The following SPEF2 variants were observed in gnomAD, a reference collection of about 807,000 sequenced individuals.
The protein encoded by SPEF2 is sperm flagellar and cilia associated 2, also known as sperm flagella and cilia-associated protein 2.
In SPEF2, 187 loss-of-function variants were observed where a neutral mutation model predicts 224.6. The ratio of observed to expected loss-of-function variants is 0.83; its 90% CI spans 0.74 to 0.94. SPEF2 has a LOEUF of 0.94. Ranked by LOEUF, SPEF2 falls within the 40% of genes least tolerant of loss-of-function variation. The pLI, the probability that SPEF2 is intolerant of heterozygous loss-of-function variation, is 0.00. For missense variants in SPEF2, 2,170 were observed against 2,135.6 expected, an observed-to-expected ratio of 1.02 and a Z score of -0.32; for synonymous variants, 715 against 707.3, an observed-to-expected ratio of 1.01 and a Z score of -0.17.
At chr5:35,745,973 C>T (rs1748466004) in intron 23 of SPEF2, among the ~76,000 whole-genome samples, 1 of 152,200 alleles carries the variant, frequency 6.6e-6, no homozygotes, top group South Asian at 2.1e-4. Context: ...GGCTGGGAGA[C>T]CCATAGACAA....
chr5:35,737,355 C>A, intron 21 of SPEF2, among the ~76,000 whole-genome samples: 1 of 142,320 alleles, frequency 7.0e-6, no homozygotes. Flanking sequence ...TAATGCTATC[C>A]CTCCTCCCTC....
At chr5:35,736,032 G>C (rs1345673051) in intron 21 of SPEF2, among the ~76,000 whole-genome samples, 4 of 152,132 alleles carry the variant, frequency 2.6e-5, no homozygotes, top group Non-Finnish European at 4.4e-5. Context: ...ACTTCAAAAG[G>C]CTTGTGGAAA....
chr5:35,727,148 A>G (rs1283205553), intron 20 of SPEF2, among the ~76,000 whole-genome samples: 2 of 152,124 alleles, frequency 1.3e-5, no homozygotes, highest in African/African-American at 2.4e-5. Flanking sequence ...ACGCTGTGTC[A>G]TGTGCAGAGA....
At chr5:35,738,025 T>C (rs1347898088) in intron 21 of SPEF2, among the ~76,000 whole-genome samples, 1 of 152,222 alleles carries the variant, frequency 6.6e-6, no homozygotes, top group East Asian at 1.9e-4. Context: ...TTAAGAAGTG[T>C]CTGTTCATAT....
chr5:35,670,532 TTGTA>T, intron 10 of SPEF2: 11 of 1,024,224 alleles, frequency 1.1e-5, no homozygotes, highest in Non-Finnish European at 1.3e-5. Flanking sequence ...GCATTTTTCT[TTGTA>T]TGGGCTGTGT....
intron 10 of SPEF2, among the ~76,000 whole-genome samples, chr5:35,689,228 C>G (rs1335684650): frequency 1.3e-5 from 2 of 152,052 alleles, no homozygotes; most frequent in South Asian, 2.1e-4. Flanking sequence ...TTCATTTGCA[C>G]TATCTTAGAA....
At chr5:35,629,926 C>T (rs542539626) in intron 2 of SPEF2, among the ~76,000 whole-genome samples, 1 of 152,288 alleles carries the variant, frequency 6.6e-6, no homozygotes, top group East Asian at 1.9e-4. Context: ...ATATACCATA[C>T]CACATTTTGT....
At chr5:35,673,721 G>A (rs1241099634) in intron 10 of SPEF2, among the ~76,000 whole-genome samples, 2 of 152,270 alleles carry the variant, frequency 1.3e-5, no homozygotes, top group Middle Eastern at 3.4e-3. Context: ...AGGTGAGTTT[G>A]TTGTGGTTAT....
At chr5:35,779,000 G>A in intron 29 of SPEF2, 117 bp from the exon 30 acceptor site, 1 of 596,358 alleles carries the variant, frequency 1.7e-6, no homozygotes, top group Non-Finnish European at 2.7e-6. Context: ...GCATGCAGAT[G>A]GAGTTGTCTA....
At chr5:35,737,797 C>T (rs1203640164) in intron 21 of SPEF2, among the ~76,000 whole-genome samples, 1 of 152,170 alleles carries the variant, frequency 6.6e-6, no homozygotes. Context: ...ACACTGACTT[C>T]CACAATGGTT....
At chr5:35,671,388 T>TTA (rs1338522528) in intron 10 of SPEF2, 1 of 966,774 alleles carries the variant, frequency 1.0e-6, no homozygotes, top group Non-Finnish European at 1.2e-6. Flanking sequence ...ACTAAGAGAA[T>TTA]TATTATTAAG....
At chr5:35,623,123 A>G (rs1743756692) in intron 1 of SPEF2, among the ~76,000 whole-genome samples, 1 of 152,182 alleles carries the variant, frequency 6.6e-6, no homozygotes, top group African/African-American at 2.4e-5. Context: ...AGGGTGCTAG[A>G]AATGACTTGG....
intron 24 of SPEF2, among the ~76,000 whole-genome samples, chr5:35,755,108 C>T (rs1402858955): frequency 6.6e-6 from 1 of 152,202 alleles, no homozygotes; most frequent in Non-Finnish European, 1.5e-5. Flanking sequence ...AGACCCCATG[C>T]AGCCATGTTA....
At chr5:35,674,458 T>C (rs911177912) in intron 10 of SPEF2, among the ~76,000 whole-genome samples, 1 of 150,630 alleles carries the variant, frequency 6.6e-6, no homozygotes, top group Admixed American at 6.6e-5. Context: ...ACATGTGCCA[T>C]GTTGGTGTGC....
chr5:35,677,984 T>G (rs1440008310), intron 10 of SPEF2, among the ~76,000 whole-genome samples: 1 of 152,186 alleles, frequency 6.6e-6, no homozygotes, highest in Non-Finnish European at 1.5e-5. Flanking sequence ...TTGGATTGCA[T>G]TGTGAGGTGC....
chr5:35,742,410 A>G (rs1271621031), intron 23 of SPEF2, among the ~76,000 whole-genome samples: 1 of 152,092 alleles, frequency 6.6e-6, no homozygotes, highest in Non-Finnish European at 1.5e-5. Flanking sequence ...ACAAATTTGA[A>G]AACTTTACAC....
At chr5:35,775,266 A>C (rs1439954365) in intron 28 of SPEF2, among the ~76,000 whole-genome samples, 1 of 152,084 alleles carries the variant, frequency 6.6e-6, no homozygotes, top group Non-Finnish European at 1.5e-5. Context: ...CTCAAAAAAA[A>C]ATGTGATATT....
intron 33 of SPEF2, among the ~76,000 whole-genome samples, chr5:35,797,361 T>A (rs1454634142): frequency 1.4e-5 from 2 of 144,842 alleles, no homozygotes; most frequent in East Asian, 2.1e-4. Flanking sequence ...TGTGTGTGTG[T>A]GATGTCCATA....
chr5:35,632,084 A>T lies in SPEF2; in HGVS notation c.161+3522A>T, dbSNP rs1745213222. ...TCCTGTTTTCTTCTGAGCCCTCCAA[A>T]CTGTTCCAACCTTTGCCTGTTACCC... is the stretch of plus-strand genomic sequence containing the variant. On this transcript the variant is annotated intron_variant, in intron 2 of 36. Transcript: ENST00000356031. Among the ~76,000 whole-genome samples the T allele has an allele frequency of 2.0e-5, 3 of 151,950 alleles. No individual in the cohort carries two copies. In the South Asian group the frequency reaches 6.2e-4, roughly 32 times the overall value.
Sources: allele counts gnomAD v4.1 joint callset (sites outside exome capture counted in the v4.1 genomes callset), GRCh38; gene constraint gnomAD v4.1.1; transcripts MANE v1.5; gene names NCBI Gene and HGNC (gene_info 2026-07-23, HGNC 2026-07-21).